TIMM17A: variants seen among roughly 807,000 people sequenced by gnomAD.
The protein encoded by TIMM17A is mitochondrial import inner membrane translocase subunit Tim17-A.
A neutral mutation model predicts 26.5 loss-of-function variants in TIMM17A; 15 were observed. The observed-to-expected ratio is 0.57, with a 90% CI of 0.38 to 0.87. The LOEUF (loss-of-function observed/expected upper bound fraction) is 0.87. TIMM17A is among the 40% of genes least tolerant of loss of function. The probability of loss-of-function intolerance (pLI) is 0.00; values close to 1 mark genes in which losing one functional copy is unlikely to be tolerated. For missense variants in TIMM17A, 201 were observed against 210.0 expected, an observed-to-expected ratio of 0.96 and a Z score of 0.27; for synonymous variants, 80 against 70.8, an observed-to-expected ratio of 1.13 and a Z score of -0.66.
chr1:201,957,697 T>C (rs1464777207), intron 3 of TIMM17A, 123 bp downstream of exon 3: 2 of 732,408 alleles, frequency 2.7e-6, no homozygotes, highest in South Asian at 1.9e-5. Flanking sequence ...GTCACAAACA[T>C]ATATCCCTAT....
chr1:201,963,852 A>T, intron 4 of TIMM17A, 108 bp downstream of exon 4: 1 of 1,226,148 alleles, frequency 8.2e-7, no homozygotes, highest in Non-Finnish European at 1.1e-6. Context: ...TTGACCAGGC[A>T]CATTGGCTCA....
chr1:201,957,074 T>C (rs1017716678), intron 1 of TIMM17A, among the ~76,000 whole-genome samples: 1 of 152,230 alleles, frequency 6.6e-6, no homozygotes, highest in Admixed American at 6.5e-5. Flanking sequence ...AGTTACCTGG[T>C]TATCTTTGTA....
rs1271249229 is a variant in TIMM17A, at chr1:201,970,173, ACT to A, written c.*624_*625del. 1.3e-5 allele frequency: 2 copies of A among 152,010 alleles called. No individual in the cohort carries two copies. The highest frequency in any genetic ancestry group is 3.9e-4 in the East Asian group (2 of 5,174). The allele number at this position is 152,010 out of a possible 1,614,324, so 9.4% of individuals were successfully genotyped here. On this transcript the variant is annotated 3_prime_UTR_variant, in exon 6 of 6. Transcript: ENST00000367287. ...TGGTTTTGAGGATATTGGATACAAA[ACT>A]CTCTTCCTTTAGGGCTACTGAGTCT...
intron 3 of TIMM17A, chr1:201,962,091 C>A (rs2819376): frequency 0.77 from 117,420 of 151,900 alleles, 45,818 homozygotes; most frequent in Non-Finnish European, 0.83. Context: ...TAGTAGCCAA[C>A]ACTTATTCTG....
chr1:201,966,934 G>GTATATATGTTATGTAT (rs1202786393), intron 5 of TIMM17A, among the ~76,000 whole-genome samples: 1 of 142,546 alleles, frequency 7.0e-6, no homozygotes, highest in Non-Finnish European at 1.5e-5. Context: ...GTTATATGTT[G>GTATATATGTTATGTAT]TATATATGTT....
chr1:201,965,415 T>C lies in TIMM17A; in HGVS notation c.320-18T>C, dbSNP rs1030400868. On this transcript the variant is annotated intron_variant, in intron 4 of 5. Coordinates refer to ENST00000367287, the MANE Select transcript of TIMM17A (RefSeq NM_006335.3). Reference sequence around the variant, plus strand: ...AGATTTCTGTAAAAAATAATCTCTTTGTTATTAATGTCTTCAGATGGACCA... The same window carrying C: ...AGATTTCTGTAAAAAATAATCTCTTCGTTATTAATGTCTTCAGATGGACCA... 11 of 1,526,690 alleles carry C rather than the reference T, an allele frequency of 7.2e-6. No homozygotes were observed. The highest frequency in any genetic ancestry group is 9.1e-6 in the Non-Finnish European group (10 of 1,100,082). The allele number at this position is 1,526,690 out of a possible 1,614,324, so 94.6% of individuals were successfully genotyped here.
At position 201,969,857 on chromosome 1, in the gene TIMM17A, T is replaced by C. The variant is rs1012647350; in HGVS notation, c.*303T>C. On this transcript the variant is annotated 3_prime_UTR_variant, in exon 6 of 6. Transcript: ENST00000367287. ...CAAAAGGCCAAAAAACAGTGAAATA[T>C]GATCATCATCTCCTTGCGGACTTCT... 2.7e-5 allele frequency: 6 copies of C among 222,464 alleles called. No individual in the cohort carries two copies. The highest frequency in any genetic ancestry group is 4.4e-5 in the Non-Finnish European group (5 of 113,348). The allele number at this position is 222,464 out of a possible 1,614,324, so 13.8% of individuals were successfully genotyped here.
intron 5 of TIMM17A, among the ~76,000 whole-genome samples, chr1:201,969,085 T>C (rs763157453): frequency 1.3e-5 from 2 of 152,190 alleles, no homozygotes; most frequent in Non-Finnish European, 2.9e-5. Flanking sequence ...TTTGTGAAAA[T>C]AATTTTAAAT....
intron 3 of TIMM17A, chr1:201,957,798 T>TG: frequency 2.7e-6 from 1 of 374,966 alleles, no homozygotes; most frequent in South Asian, 3.8e-5. Context: ...AGACACTCGG[T>TG]GATTTTTTTT....
intron 5 of TIMM17A, among the ~76,000 whole-genome samples, chr1:201,966,318 C>T (rs1016349639): frequency 6.6e-6 from 1 of 152,018 alleles, no homozygotes; most frequent in African/African-American, 2.4e-5. Flanking sequence ...GCCGAGATCA[C>T]ACCACTGCAC....
chr1:201,966,991 T>TTTTGTGTGTGTGTG (rs572223784), intron 5 of TIMM17A, among the ~76,000 whole-genome samples: 1,878 of 133,082 alleles, frequency 0.014, 28 homozygotes, highest in Non-Finnish European at 0.019. Flanking sequence ...ATTATATATG[T>TTTTGTGTGTGTGTG]TGTGTGTGTG....
intron 3 of TIMM17A, 145 bp from the exon 4 acceptor site, chr1:201,963,471 C>A: frequency 1.3e-5 from 10 of 749,126 alleles, no homozygotes; most frequent in Non-Finnish European, 1.9e-5. Context: ...AACTCTTGTT[C>A]GGTGTTTATT....
At chr1:201,961,799 C>G (rs1682537911) in intron 3 of TIMM17A, among the ~76,000 whole-genome samples, 1 of 152,008 alleles carries the variant, frequency 6.6e-6, no homozygotes, top group Non-Finnish European at 1.5e-5. Context: ...CAGTTCATCC[C>G]ACAGGATTCA....
rs201877659 is a variant in TIMM17A at position 201,957,257 on chromosome 1, T to C, written c.27-24T>C. On this transcript the variant is annotated intron_variant, in intron 1 of 5. Coordinates refer to ENST00000367287, the MANE Select transcript of TIMM17A (RefSeq NM_006335.3). ...TATGGTTTGTGAATGAGAAATATGG[T>C]CTTTTTTTTCCCCCTGTTCTTAGCC... 1.1e-4 allele frequency: 143 copies of C among 1,341,208 alleles called. No individual in the cohort carries two copies. The African/African-American group carries it at 1.7e-3, about 16-fold the overall frequency. 83.1% of individuals were successfully genotyped at this position (1,341,208 alleles called of 1,614,324 possible).
intron 3 of TIMM17A, chr1:201,963,049 A>G (rs1022494041): frequency 5.2e-5 from 8 of 152,546 alleles, no homozygotes; most frequent in Admixed American, 2.6e-4. Flanking sequence ...TTTTACACAT[A>G]TGCAGCCTGA....
chr1:201,970,376 TA>T lies in TIMM17A; in HGVS notation c.*823del, dbSNP rs1417044567. The T allele has an allele frequency of 2.0e-5, 3 of 152,330 alleles. No individual in the cohort carries two copies. The East Asian group carries it at 5.8e-4, about 29-fold the overall frequency. 9.4% of individuals were successfully genotyped at this position (152,330 alleles called of 1,614,324 possible). ...TTCCAAGTCCTCTGCATAAACGATG[TA>T]TTTTGGGGTCTGGTTGGGCCTGGAA... On this transcript the variant is annotated 3_prime_UTR_variant, in exon 6 of 6. Coordinates refer to ENST00000367287, the MANE Select transcript of TIMM17A (RefSeq NM_006335.3).
chr1:201,969,394 CTCTA>C (rs763103678), intron 5 of TIMM17A, 71 bp from the exon 6 acceptor site: 464 of 1,184,726 alleles, frequency 3.9e-4, no homozygotes, highest in Non-Finnish European at 5.3e-4. Flanking sequence ...TTGATTTACT[CTCTA>C]TAGAGATTTG....
intron 3 of TIMM17A, 122 bp from the exon 4 acceptor site, chr1:201,963,494 T>A: frequency 6.5e-6 from 6 of 929,358 alleles, no homozygotes; most frequent in Non-Finnish European, 9.8e-6. Context: ...AACTTGTGTT[T>A]GCATGTATTT....
chr1:201,966,991 T>TTATGTGTGTGTGTGTGTGTGTG (rs572223784), intron 5 of TIMM17A, among the ~76,000 whole-genome samples: 2,591 of 132,914 alleles, frequency 0.019, 49 homozygotes, highest in Non-Finnish European at 0.028. Flanking sequence ...ATTATATATG[T>TTATGTGTGTGTGTGTGTGTGTG]TGTGTGTGTG....
Sources: gnomAD v4.1 joint callset for allele counts (sites outside exome capture counted in the v4.1 genomes callset) on GRCh38, gnomAD v4.1.1 for gene constraint, MANE v1.5 for transcripts, NCBI Gene and HGNC (gene_info 2026-07-23, HGNC 2026-07-21) for gene names.